ANKRD62: variants seen among roughly 807,000 people sequenced by gnomAD.
ANKRD62 encodes the protein ankyrin repeat domain 62.
ANKRD62 carries 61 observed loss-of-function variants against 98.8 expected under a neutral mutation model. The ratio of observed to expected loss-of-function variants is 0.62; its 90% CI spans 0.50 to 0.76. The LOEUF (loss-of-function observed/expected upper bound fraction) is 0.76. ANKRD62 is among the 30% of genes least tolerant of loss of function. The pLI, the probability that ANKRD62 is intolerant of heterozygous loss-of-function variation, is 0.00. For synonymous variants in ANKRD62, 341 were observed against 367.9 expected, an observed-to-expected ratio of 0.93 and a Z score of 0.84; for missense variants, 933 against 1,082.9, an observed-to-expected ratio of 0.86 and a Z score of 1.94.
the ANKRD62 span, among the ~76,000 whole-genome samples, chr18:12,140,200 G>A: frequency 2.6e-5 from 4 of 152,108 alleles, no homozygotes; most frequent in African/African-American, 7.2e-5. Context: ...AGCTCCATCA[G>A]GTCCTTTAAA....
chr18:12,146,451 G>A, the ANKRD62 span, among the ~76,000 whole-genome samples: 12 of 150,666 alleles, frequency 8.0e-5, no homozygotes, highest in Middle Eastern at 3.4e-3. Flanking sequence ...TTGGGGGGGC[G>A]TGTGTGTGTT....
In ANKRD62 at chr18:12,128,841, C is replaced by T. The variant is rs1417732882; in HGVS notation, c.*902C>T. On this transcript the variant is annotated 3_prime_UTR_variant, in exon 14 of 14. Coordinates refer to ENST00000587848, the MANE Select transcript of ANKRD62 (RefSeq NM_001277333.2). ...TTGGGAGGCTGAAACGGGTGGATCA[C>T]CTGAGGTCAGGAGTTTGAGACCATC... 6.6e-6 allele frequency: 1 copy of T among 152,104 alleles called. No homozygotes were observed. Among genetic ancestry groups the T allele is most frequent in the Non-Finnish European group, 1.5e-5 (1 of 68,046 alleles). The allele number at this position is 152,104 out of a possible 1,614,324, so 9.4% of individuals were successfully genotyped here. A position where few individuals can be genotyped will look rare whatever the true frequency, so the allele number is the denominator to read the frequency against.
intron 8 of ANKRD62, among the ~76,000 whole-genome samples, chr18:12,109,375 G>C (rs1031138308): frequency 5.3e-5 from 8 of 152,214 alleles, no homozygotes; most frequent in African/African-American, 1.9e-4. Context: ...GCTGTGCCTT[G>C]GCCCTTTTTA....
chr18:12,175,463 C>T, the ANKRD62 span, among the ~76,000 whole-genome samples: 504 of 152,124 alleles, frequency 3.3e-3, 7 homozygotes, highest in African/African-American at 0.011. Flanking sequence ...AAGCAAAACC[C>T]GTCCCCACAG....
At chr18:12,153,476 C>T in the ANKRD62 span, among the ~76,000 whole-genome samples, 2 of 151,632 alleles carry the variant, frequency 1.3e-5, no homozygotes, top group African/African-American at 2.4e-5. Flanking sequence ...CCTGTAACCC[C>T]AGCTACTCAG....
Position 12,125,562 on chromosome 18 carries a change from C to G in ANKRD62, c.1741C>G (p.Gln581Glu), listed in dbSNP as rs1909870614. Reference sequence around the variant, plus strand: ...GCTGGAAATAGACACAATAAAACATCAGAACCAGGAAACTGAAAATAAATA... The same window carrying G: ...GCTGGAAATAGACACAATAAAACATGAGAACCAGGAAACTGAAAATAAATA... Reference protein sequence around the residue: ...LRLEIDTIKHQNQETENKYFK... With the variant: ...LRLEIDTIKHENQETENKYFK... Residue 581 changes from glutamine to glutamate, a missense_variant, in exon 13 of 14, where the codon CAG becomes GAG. Transcript: ENST00000587848. 2 of 1,527,988 alleles carry G rather than the reference C, an allele frequency of 1.3e-6. No individual in the cohort carries two copies. The highest frequency in any genetic ancestry group is 2.8e-5 in the African/African-American group (2 of 72,092). 94.7% of individuals were successfully genotyped at this position (1,527,988 alleles called of 1,614,324 possible). A position where few individuals can be genotyped will look rare whatever the true frequency, so the allele number is the denominator to read the frequency against.
the ANKRD62 span, among the ~76,000 whole-genome samples, chr18:12,159,976 G>T: frequency 6.6e-6 from 1 of 151,968 alleles, no homozygotes; most frequent in South Asian, 2.1e-4. Flanking sequence ...CTTACTATAG[G>T]TACAATATTT....
In ANKRD62 at chr18:12,093,934, G is replaced by A. The variant is rs1364014174; in HGVS notation, c.-84G>A. On this transcript the variant is annotated 5_prime_UTR_variant, in exon 1 of 14. Coordinates refer to ENST00000587848, the MANE Select transcript of ANKRD62 (RefSeq NM_001277333.2). ...CTGGACCTGGTTACGTGCTGGTGCT[G>A]CGCTCCAGAGAGGCAGAAAACGAGT... 9 of 1,342,860 alleles carry A rather than the reference G, an allele frequency of 6.7e-6. No homozygotes were observed. The highest frequency in any genetic ancestry group is 9.2e-6 in the Non-Finnish European group (9 of 977,304). 83.2% of individuals were successfully genotyped at this position (1,342,860 alleles called of 1,614,324 possible). A position where few individuals can be genotyped will look rare whatever the true frequency, so the allele number is the denominator to read the frequency against.
the ANKRD62 span, among the ~76,000 whole-genome samples, chr18:12,173,312 A>G: frequency 6.6e-6 from 1 of 152,188 alleles, no homozygotes; most frequent in Admixed American, 6.5e-5. Context: ...CTCAGATTGC[A>G]ACCCTTGCTT....
At chr18:12,151,097 A>G in the ANKRD62 span, among the ~76,000 whole-genome samples, 1 of 152,206 alleles carries the variant, frequency 6.6e-6, no homozygotes, top group Non-Finnish European at 1.5e-5. Context: ...AGGAAAATCT[A>G]CCAAGCAAAT....
At position 12,094,101 on chromosome 18, in the gene ANKRD62, A is replaced by C; in HGVS notation, c.84A>C (p.Ser28=). The part of the protein sequence containing the change: ...WRKNRDKDGF[S]NPGYRVRQKD... ...AGAATCGTGACAAGGATGGCTTCTC[A>C]AATCCCGGGTACCGAGTCCGGCAGA... is the stretch of plus-strand genomic sequence containing the variant. The change falls in exon 1 of 14, where the codon TCA becomes TCC. Residue 28 remains serine (S), a synonymous_variant. Transcript: ENST00000587848. 6.5e-7 allele frequency: 1 copy of C among 1,534,680 alleles called. No homozygotes were observed. The highest frequency in any genetic ancestry group is 8.7e-7 in the Non-Finnish European group (1 of 1,146,674).
At chr18:12,180,938 TC>T in the ANKRD62 span, among the ~76,000 whole-genome samples, 1 of 107,152 alleles carries the variant, frequency 9.3e-6, no homozygotes, top group Non-Finnish European at 1.9e-5. Context: ...ATGCTATCCC[TC>T]CCCCCCCACC....
the ANKRD62 span, among the ~76,000 whole-genome samples, chr18:12,150,412 ACTT>A: frequency 6.6e-6 from 1 of 152,204 alleles, no homozygotes; most frequent in Non-Finnish European, 1.5e-5. Context: ...ACTTCCCCAA[ACTT>A]GCTAGAGAAT....
intron 10 of ANKRD62, among the ~76,000 whole-genome samples, chr18:12,120,180 T>A (rs896397032): frequency 9.2e-5 from 14 of 152,216 alleles, no homozygotes; most frequent in Admixed American, 8.5e-4. Context: ...TTAAGTCTGC[T>A]CTATTCTTGC....
At chr18:12,171,234 G>A in the ANKRD62 span, among the ~76,000 whole-genome samples, 4 of 152,206 alleles carry the variant, frequency 2.6e-5, no homozygotes, top group African/African-American at 9.7e-5. Context: ...TCCTAGCATC[G>A]ATGGTCTTTT....
chr18:12,157,262 C>T, the ANKRD62 span, among the ~76,000 whole-genome samples: 1 of 152,096 alleles, frequency 6.6e-6, no homozygotes, highest in Non-Finnish European at 1.5e-5. Context: ...TTTATTCTTT[C>T]TAGAATATGG....
At chr18:12,099,488 C>A (rs1909253188) in intron 5 of ANKRD62, 127 bp from the exon 6 acceptor site, 1 of 522,736 alleles carries the variant, frequency 1.9e-6, no homozygotes, top group African/African-American at 2.0e-5. Flanking sequence ...GTAGAGCTTA[C>A]AAACTAAAAG....
At chr18:12,163,943 A>G in the ANKRD62 span, among the ~76,000 whole-genome samples, 1 of 151,938 alleles carries the variant, frequency 6.6e-6, no homozygotes, top group East Asian at 1.9e-4. Context: ...TTTTATATCT[A>G]TGTATATCAC....
intron 5 of ANKRD62, chr18:12,098,343 T>C (rs1477525439): frequency 2.6e-5 from 4 of 152,300 alleles, no homozygotes; most frequent in South Asian, 2.1e-4. Flanking sequence ...GTCAGAATTA[T>C]CTGTCTCAAG....
Sources: allele counts gnomAD v4.1 joint callset (sites outside exome capture counted in the v4.1 genomes callset), GRCh38; gene constraint gnomAD v4.1.1; transcripts MANE v1.5; gene names NCBI Gene and HGNC (gene_info 2026-07-23, HGNC 2026-07-21).